Variants in KCNN1 observed in about 807,000 individuals in gnomAD.
KCNN1 encodes the protein potassium calcium-activated channel subfamily N member 1.
KCNN1 carries 20 observed loss-of-function variants against 44.7 expected under a neutral mutation model. The observed-to-expected ratio is 0.45, with a 90% CI of 0.32 to 0.65. The LOEUF (loss-of-function observed/expected upper bound fraction) is 0.65. KCNN1 is among the 30% of genes least tolerant of loss of function. KCNN1 has a pLI of 0.05. For synonymous variants in KCNN1, 324 were observed against 341.7 expected (o/e 0.95, Z 0.57); for missense variants, 632 against 785.3 (o/e 0.80, Z 2.33).
chr19:17,957,873 C>T (rs1239293394), intron 2 of KCNN1, among the ~76,000 whole-genome samples: 1 of 151,896 alleles, frequency 6.6e-6, no homozygotes, highest in African/African-American at 2.4e-5. Context: ...GAGTGGAGGC[C>T]CAGGAGATGT....
At chr19:17,967,450 G>A (rs2031853767) in intron 1 of KCNN1, 133 bp downstream of exon 1, 1 of 263,794 alleles carries the variant, frequency 3.8e-6, no homozygotes, top group Non-Finnish European at 5.9e-6. Flanking sequence ...CGTGCGGTCC[G>A]GAGCCTAGGA....
At chr19:17,967,771 C>T (rs1378810578) in intron 1 of KCNN1, among the ~76,000 whole-genome samples, 1 of 151,994 alleles carries the variant, frequency 6.6e-6, no homozygotes, top group Admixed American at 6.5e-5. Flanking sequence ...GGACCCAGCT[C>T]GGGGCACTGC....
intron 7 of KCNN1, chr19:17,990,157 T>G (rs1374969928): frequency 1.4e-5 from 7 of 510,482 alleles, no homozygotes; most frequent in Middle Eastern, 2.9e-4. Flanking sequence ...GGCTCATAGT[T>G]AAATCCATGG....
At chr19:17,981,552 C>CAAAA (rs71164338) in intron 3 of KCNN1, among the ~76,000 whole-genome samples, 157 bp from the exon 4 acceptor site, 7 of 90,030 alleles carry the variant, frequency 7.8e-5, no homozygotes, top group African/African-American at 1.1e-4. Flanking sequence ...AACTCCATCT[C>CAAAA]AAAAAAAAAA....
intron 9 of KCNN1, among the ~76,000 whole-genome samples, chr19:17,995,463 C>A (rs982227485): frequency 6.7e-6 from 1 of 149,646 alleles, no homozygotes; most frequent in Non-Finnish European, 1.5e-5. Context: ...CGTGAGCCAC[C>A]GCACCCAGAA....
intron 5 of KCNN1, among the ~76,000 whole-genome samples, chr19:17,987,981 CAA>C (rs1039327417): frequency 3.2e-5 from 4 of 125,852 alleles, no homozygotes; most frequent in Non-Finnish European, 5.1e-5. Flanking sequence ...CTTTACTAAA[CAA>C]ACACACACAC....
rs776273715 is a variant in KCNN1, at chr19:17,982,137, C to A, written c.917+10C>A. On this transcript the variant is annotated intron_variant, in intron 4 of 9. Transcript: ENST00000684775. ...TGCGCGTCTGCGAGAGGTGCGACCGCCGCCCCTGGAGCCCCCCCAGCCCCC... is the reference window on the plus strand; with the variant it reads ...TGCGCGTCTGCGAGAGGTGCGACCGACGCCCCTGGAGCCCCCCCAGCCCCC... The A allele has an allele frequency of 4.0e-6, 6 of 1,512,984 alleles. No individual in the cohort carries two copies. Among genetic ancestry groups the A allele is most frequent in the Non-Finnish European group, 5.3e-6 (6 of 1,130,704 alleles). 93.7% of individuals were successfully genotyped at this position (1,512,984 alleles called of 1,614,324 possible).
At chr19:17,957,015 G>A (rs1374702889) in intron 2 of KCNN1, among the ~76,000 whole-genome samples, 1 of 149,898 alleles carries the variant, frequency 6.7e-6, no homozygotes, top group Non-Finnish European at 1.5e-5. Context: ...TTGCAGCACT[G>A]CACTCCAGCC....
chr19:17,969,321 T>C (rs915022288), intron 1 of KCNN1, among the ~76,000 whole-genome samples: 1 of 152,186 alleles, frequency 6.6e-6, no homozygotes, highest in Non-Finnish European at 1.5e-5. Flanking sequence ...CTGGGTGACC[T>C]TGGGCAAAAG....
intron 5 of KCNN1, 151 bp from the exon 6 acceptor site, chr19:17,988,264 C>T (rs1261332925): frequency 2.2e-5 from 13 of 595,852 alleles, no homozygotes; most frequent in Admixed American, 1.9e-4. Flanking sequence ...GAATAGGAAA[C>T]GAGTAGACCT....
Position 18,000,006 on chromosome 19 carries a change from A to C in KCNN1, c.*1600A>C, listed in dbSNP as rs1488791052. On this transcript the variant is annotated 3_prime_UTR_variant, in exon 10 of 10. Coordinates refer to ENST00000684775, the MANE Select transcript of KCNN1 (RefSeq NM_001386974.1). Reference sequence around the variant, plus strand: ...TGTAAAATGGGGTGACAGTCTATTTAACCAGAACTCCCTAAAAAGGGCCAG... The same window carrying C: ...TGTAAAATGGGGTGACAGTCTATTTCACCAGAACTCCCTAAAAAGGGCCAG... 4 of 455,858 alleles carry C rather than the reference A, an allele frequency of 8.8e-6. No individual in the cohort carries two copies. The East Asian group carries it at 2.8e-4, about 32-fold the overall frequency. 28.2% of individuals were successfully genotyped at this position (455,858 alleles called of 1,614,324 possible).
chr19:17,982,695 C>T (rs147776390), intron 4 of KCNN1: 26 of 715,166 alleles, frequency 3.6e-5, no homozygotes, highest in Non-Finnish European at 4.1e-5. Flanking sequence ...GCAGGGAGAA[C>T]GGGCCCGGCG....
In KCNN1 at chr19:17,986,220, G is replaced by T. The variant is rs112379407; in HGVS notation, c.1059+767G>T. Among the ~76,000 whole-genome samples, 303 of 152,196 alleles carry T rather than the reference G, an allele frequency of 2.0e-3. 2 individuals are homozygous for T. The highest frequency in any genetic ancestry group is 6.9e-3 in the African/African-American group (285 of 41,532). On this transcript the variant is annotated intron_variant, in intron 5 of 9. Coordinates refer to ENST00000684775, the MANE Select transcript of KCNN1 (RefSeq NM_001386974.1). ...CTGTACTAAAAATACAAAATTAGCC[G>T]GGCGTGGTGGTGGGTGCCTGTAATC...
chr19:17,986,370 A>G (rs958851956), intron 5 of KCNN1, among the ~76,000 whole-genome samples: 2 of 151,962 alleles, frequency 1.3e-5, no homozygotes, highest in South Asian at 2.1e-4. Flanking sequence ...CTCAAAAAAA[A>G]AAAAAAGAAA....
At chr19:17,958,464 A>G (rs2031595651) in intron 2 of KCNN1, among the ~76,000 whole-genome samples, 2 of 149,694 alleles carry the variant, frequency 1.3e-5, no homozygotes, top group Non-Finnish European at 3.0e-5. Flanking sequence ...CTGCGAGACA[A>G]CAGGAGACCC....
intron 1 of KCNN1, among the ~76,000 whole-genome samples, chr19:17,973,292 T>G (rs1165541140): frequency 3.3e-5 from 5 of 152,086 alleles, no homozygotes; most frequent in Admixed American, 3.3e-4. Context: ...TTCTTTTTCT[T>G]TTTTTTGAGA....
rs1397843765 is a variant in KCNN1, at chr19:17,981,755, C to A, written c.545C>A (p.Thr182Asn). 2 of 1,607,332 alleles carry A rather than the reference C, an allele frequency of 1.2e-6. No individual in the cohort carries two copies. The highest frequency in any genetic ancestry group is 1.7e-6 in the Non-Finnish European group (2 of 1,175,372). Residue 182 changes from threonine (T) to asparagine (N), a missense_variant, in exon 4 of 10, where the codon ACC becomes AAC. Transcript: ENST00000684775. ...NGADDWRIAMTCERVFLISLE... is the reference protein window; with the variant it reads ...NGADDWRIAMNCERVFLISLE... ...GCTGATGACTGGCGCATCGCCATGA[C>A]CTGCGAGCGCGTGTTCCTCATCTCG...
chr19:17,992,966 G>A (rs1490708015), intron 7 of KCNN1, 88 bp from the exon 8 acceptor site: 1 of 1,545,554 alleles, frequency 6.5e-7, no homozygotes, highest in Non-Finnish European at 8.8e-7. Flanking sequence ...ATCCCCGGGA[G>A]GTGGGCAGGG....
chr19:17,979,528 T>TG (rs940259288), intron 3 of KCNN1, among the ~76,000 whole-genome samples: 9 of 48,840 alleles, frequency 1.8e-4, no homozygotes, highest in Admixed American at 5.9e-4. Flanking sequence ...AAAAATAGGG[T>TG]GGGGGGTGGG....
Sources: allele counts gnomAD v4.1 joint callset (sites outside exome capture counted in the v4.1 genomes callset), GRCh38; gene constraint gnomAD v4.1.1; transcripts MANE v1.5; gene names NCBI Gene and HGNC (gene_info 2026-07-23, HGNC 2026-07-21).